The following ACER3 variants were observed in gnomAD, a reference collection of about 807,000 sequenced individuals.
ACER3 encodes alkCDase 3.
Under a neutral mutation model 48.9 loss-of-function variants are expected in ACER3, and 16 were observed. The observed-to-expected ratio is 0.33, with a 90% CI of 0.22 to 0.50. ACER3 has a LOEUF of 0.50. Among genes scored for constraint, ACER3 ranks in the 20% least tolerant of loss-of-function variants. The pLI is 0.98. For synonymous variants in ACER3, 109 were observed against 107.8 expected (o/e 1.01, Z -0.07); for missense variants, 227 against 326.0 (o/e 0.70, Z 2.34).
At chr11:77,003,125 A>G in intron 7 of ACER3, among the ~76,000 whole-genome samples, 1 of 152,374 alleles carries the variant, frequency 6.6e-6, no homozygotes, top group South Asian at 2.1e-4. Flanking sequence ...AACTTTATGA[A>G]TATTTTAACA....
At chr11:76,975,668 A>C (rs78800641) in intron 3 of ACER3, among the ~76,000 whole-genome samples, 4,580 of 152,146 alleles carry the variant, frequency 0.03, 91 homozygotes, top group South Asian at 0.065. Context: ...TTGTAATACC[A>C]GATGATATGA....
rs1404674902 is a variant in ACER3, at chr11:77,024,965, A to C, written c.*4638A>C. 1 of 152,212 alleles carries C rather than the reference A, an allele frequency of 6.6e-6. No homozygotes were observed. The highest frequency in any genetic ancestry group is 1.5e-5 in the Non-Finnish European group (1 of 68,034). 9.4% of individuals were successfully genotyped at this position (152,212 alleles called of 1,614,324 possible). A position where few individuals can be genotyped will look rare whatever the true frequency, so the allele number is the denominator to read the frequency against. The stretch of plus-strand genomic sequence containing the variant: ...CATCAGTCAGTATAGCATCAGCCAC[A>C]GGTCACTGCTCTGCATACAGTTCCT... On this transcript the variant is annotated 3_prime_UTR_variant, in exon 11 of 11. Coordinates refer to ENST00000532485, the MANE Select transcript of ACER3 (RefSeq NM_018367.7).
At chr11:76,975,919 G>A (rs1591019743) in intron 3 of ACER3, among the ~76,000 whole-genome samples, 1 of 104,244 alleles carries the variant, frequency 9.6e-6, no homozygotes, top group Non-Finnish European at 1.7e-5. Flanking sequence ...TTGCTCTGTT[G>A]CCCAGGCTGG....
At chr11:76,932,730 T>C (rs1157067656) in intron 2 of ACER3, among the ~76,000 whole-genome samples, 1 of 152,176 alleles carries the variant, frequency 6.6e-6, no homozygotes, top group African/African-American at 2.4e-5. Flanking sequence ...GAAACAGTAT[T>C]ATGACCTTCA....
chr11:76,908,902 G>A (rs1946301742), intron 1 of ACER3, among the ~76,000 whole-genome samples: 1 of 152,082 alleles, frequency 6.6e-6, no homozygotes, highest in Admixed American at 6.6e-5. Context: ...AAAACAGCAT[G>A]GTACTGGTAC....
Position 77,020,402 on chromosome 11 carries a change from T to C in ACER3, c.*75T>C, listed in dbSNP as rs1252082363. ...GAATAAATAAGGAAATCCTTAAAGA[T>C]CTACAAGTTCAAATATGTCATGACC... is the stretch of plus-strand genomic sequence containing the variant. On this transcript the variant is annotated 3_prime_UTR_variant, in exon 11 of 11. Coordinates refer to ENST00000532485, the MANE Select transcript of ACER3 (RefSeq NM_018367.7). 6.6e-7 allele frequency: 1 copy of C among 1,511,298 alleles called. No individual in the cohort carries two copies. The highest frequency in any genetic ancestry group is 1.1e-5 in the South Asian group (1 of 87,694). 93.6% of individuals were successfully genotyped at this position (1,511,298 alleles called of 1,614,324 possible). A position where few individuals can be genotyped will look rare whatever the true frequency, so the allele number is the denominator to read the frequency against.
At chr11:76,888,098 C>A (rs1945716860) in intron 1 of ACER3, among the ~76,000 whole-genome samples, 1 of 151,986 alleles carries the variant, frequency 6.6e-6, no homozygotes, top group Non-Finnish European at 1.5e-5. Context: ...GGAATTATAG[C>A]CTGACTTGCT....
intron 6 of ACER3, among the ~76,000 whole-genome samples, chr11:76,991,815 C>CA (rs5792751): frequency 0.26 from 32,068 of 123,088 alleles, 4,946 homozygotes; most frequent in African/African-American, 0.45. Flanking sequence ...AACTCTGTCT[C>CA]AAAAAAAAAA....
At chr11:76,902,841 G>A (rs1250893364) in intron 1 of ACER3, among the ~76,000 whole-genome samples, 1 of 152,168 alleles carries the variant, frequency 6.6e-6, no homozygotes, top group Non-Finnish European at 1.5e-5. Context: ...AGTAGTAACA[G>A]GAAATGGCTA....
chr11:76,866,522 A>G (rs917852063), intron 1 of ACER3, among the ~76,000 whole-genome samples: 1 of 152,224 alleles, frequency 6.6e-6, no homozygotes, highest in South Asian at 2.1e-4. Context: ...TGAAGTTTGT[A>G]CTATATTCAG....
At chr11:76,996,807 C>A (rs1265229625) in intron 6 of ACER3, among the ~76,000 whole-genome samples, 1 of 150,386 alleles carries the variant, frequency 6.6e-6, no homozygotes, top group Non-Finnish European at 1.5e-5. Context: ...CTCACTGCAA[C>A]CTCTGCCTCC....
chr11:76,945,531 G>C (rs1380007593), intron 2 of ACER3, among the ~76,000 whole-genome samples: 1 of 152,120 alleles, frequency 6.6e-6, no homozygotes, highest in Non-Finnish European at 1.5e-5. Flanking sequence ...GTTAGATGAG[G>C]CTGTGGTGAA....
chr11:76,944,146 A>G (rs1314523655), intron 2 of ACER3, among the ~76,000 whole-genome samples: 1 of 152,004 alleles, frequency 6.6e-6, no homozygotes, highest in Non-Finnish European at 1.5e-5. Flanking sequence ...CATTTAATCC[A>G]TTTACATTCA....
chr11:76,914,942 C>CAA (rs536149559), intron 1 of ACER3, among the ~76,000 whole-genome samples: 95 of 152,176 alleles, frequency 6.2e-4, no homozygotes, highest in African/African-American at 2.2e-3. Context: ...CAAACTATCA[C>CAA]AAAGACAAAA....
rs782421588 is a variant in ACER3, at chr11:77,015,004, T to C, written c.498-12T>C. 117 of 1,484,746 alleles carry C rather than the reference T, an allele frequency of 7.9e-5. No individual in the cohort carries two copies. Among genetic ancestry groups the C allele is most frequent in the East Asian group, 1.4e-4 (6 of 44,250 alleles). 92.0% of individuals were successfully genotyped at this position (1,484,746 alleles called of 1,614,324 possible). A position where few individuals can be genotyped will look rare whatever the true frequency, so the allele number is the denominator to read the frequency against. On this transcript the variant is annotated splice_polypyrimidine_tract_variant and intron_variant, in intron 7 of 10. Transcript: ENST00000532485. The stretch of plus-strand genomic sequence containing the variant: ...AAAATTTTATTTTGCTTTTCTGTTT[T>C]CCCCCCCACAGGGTTTATCCATGGC...
intron 1 of ACER3, among the ~76,000 whole-genome samples, chr11:76,900,330 G>A (rs956625939): frequency 1.3e-5 from 2 of 152,160 alleles, no homozygotes; most frequent in African/African-American, 2.4e-5. Flanking sequence ...AGGTGGAAAG[G>A]GAGGCAGGAG....
chr11:76,920,866 TGGGCTCAAGCAATCCTCC>T (rs1946669802), intron 1 of ACER3, among the ~76,000 whole-genome samples: 1 of 152,130 alleles, frequency 6.6e-6, no homozygotes, highest in African/African-American at 2.4e-5. Context: ...GTCGAACTCC[TGGGCTCAAGCAATCCTCC>T]CCCCTTGGCT....
At chr11:76,917,473 G>C (rs1046183106) in intron 1 of ACER3, among the ~76,000 whole-genome samples, 6 of 152,060 alleles carry the variant, frequency 3.9e-5, no homozygotes, top group Admixed American at 2.0e-4. Flanking sequence ...CAGCACTTTG[G>C]GGGGCTGAGG....
At chr11:76,987,202 G>C (rs1948703592) in intron 5 of ACER3, among the ~76,000 whole-genome samples, 1 of 152,164 alleles carries the variant, frequency 6.6e-6, no homozygotes, top group Admixed American at 6.5e-5. Flanking sequence ...CTAGACCCAG[G>C]GACTTCTGTA....
Sources: allele counts gnomAD v4.1 joint callset (sites outside exome capture counted in the v4.1 genomes callset), GRCh38; gene constraint gnomAD v4.1.1; transcripts MANE v1.5; gene names NCBI Gene and HGNC (gene_info 2026-07-23, HGNC 2026-07-21).